The following GCNT2 variants were observed in gnomAD, a reference collection of about 807,000 sequenced individuals.
GCNT2 encodes the protein glucosaminyl (N-acetyl) transferase 2 (I blood group), also known as N-acetyllactosaminide beta-1,6-N-acetylglucosaminyl-transferase.
GCNT2 carries 34 observed loss-of-function variants against 34.2 expected under a neutral mutation model. The ratio of observed to expected loss-of-function variants is 1.00; its 90% CI spans 0.76 to 1.32. The LOEUF is 1.32. GCNT2 is among the 40% of genes most tolerant of loss of function. The probability of loss-of-function intolerance (pLI) is 0.00; values close to 1 mark genes in which losing one functional copy is unlikely to be tolerated. For synonymous variants in GCNT2, 212 were observed against 188.0 expected (o/e 1.13, Z -1.04); for missense variants, 584 against 489.4 (o/e 1.19, Z -1.82).
At chr6:10,617,916 G>A (rs577107581) in intron 3 of GCNT2, among the ~76,000 whole-genome samples, 64 of 151,902 alleles carry the variant, frequency 4.2e-4, no homozygotes, top group African/African-American at 1.4e-3. Context: ...CATCACACCC[G>A]GCTAATTTTT....
In GCNT2 at chr6:10,579,826, CAAAAAAAAA is replaced by C. The variant is rs61490868; in HGVS notation, c.926-41511_926-41503del. 3.6e-4 allele frequency among the ~76,000 whole-genome samples: 32 copies of C among 89,916 alleles called. No individual in the cohort carries two copies. In the South Asian group the frequency reaches 1.0e-2, roughly 28 times the overall value. The allele number at this position is 89,916 out of a possible 152,430, so 59.0% of individuals were successfully genotyped here. On this transcript the variant is annotated intron_variant, in intron 3 of 4. Coordinates refer to ENST00000495262, the MANE Select transcript of GCNT2 (RefSeq NM_145649.5). ...GCGAGACTCCATCTCAAAAAACAAACAAAAAAAAAAAAAAAAAAAAAACAAGTAATAAAA... is the reference window on the plus strand; with the variant it reads ...GCGAGACTCCATCTCAAAAAACAAACAAAAAAAAAAAAACAAGTAATAAAA...
chr6:10,628,483 G>A lies in GCNT2; in HGVS notation c.*1876G>A, dbSNP rs921045177. On this transcript the variant is annotated 3_prime_UTR_variant, in exon 5 of 5. Coordinates refer to ENST00000495262, the MANE Select transcript of GCNT2 (RefSeq NM_145649.5). ...GAATAGGGACAGCTGGTCACACAAG[G>A]AACTCTTGAAGGCCACATGTGAAAA... is the stretch of plus-strand genomic sequence containing the variant. 7 of 152,200 alleles carry A rather than the reference G, an allele frequency of 4.6e-5. No individual in the cohort carries two copies. Among genetic ancestry groups the A allele is most frequent in the Admixed American group, 4.6e-4 (7 of 15,278 alleles). 9.4% of individuals were successfully genotyped at this position (152,200 alleles called of 1,614,324 possible).
intron 3 of GCNT2, among the ~76,000 whole-genome samples, chr6:10,617,747 CTTCTTTTTTTT>C (rs1765848762): frequency 2.6e-5 from 3 of 114,296 alleles, no homozygotes; most frequent in Admixed American, 8.9e-5. Flanking sequence ...GTCTGCATTT[CTTCTTTTTTTT>C]TTTTTTTTTT....
intron 3 of GCNT2, among the ~76,000 whole-genome samples, chr6:10,535,504 G>C (rs1761713217): frequency 6.6e-6 from 1 of 152,180 alleles, no homozygotes; most frequent in Non-Finnish European, 1.5e-5. Flanking sequence ...CAAGATGCAA[G>C]TTCATCCACC....
intron 3 of GCNT2, among the ~76,000 whole-genome samples, chr6:10,614,783 TC>T (rs1432597974): frequency 6.6e-6 from 1 of 152,078 alleles, no homozygotes; most frequent in Non-Finnish European, 1.5e-5. Flanking sequence ...TAAACGGTCC[TC>T]CCCATCAGCA....
intron 3 of GCNT2, chr6:10,586,105 C>G (rs368878274): frequency 5.0e-6 from 8 of 1,613,988 alleles, no homozygotes; most frequent in Non-Finnish European, 6.8e-6. Flanking sequence ...CTGAACAGTT[C>G]CAGTGAAAGG....
chr6:10,588,947 GTT>G (rs1240349513), intron 3 of GCNT2, among the ~76,000 whole-genome samples: 1 of 147,748 alleles, frequency 6.8e-6, no homozygotes, highest in Non-Finnish European at 1.5e-5. Flanking sequence ...CGGTGTGTGT[GTT>G]TGTAGTGTGT....
intron 3 of GCNT2, among the ~76,000 whole-genome samples, chr6:10,602,128 T>A (rs1765116833): frequency 6.6e-6 from 1 of 152,206 alleles, no homozygotes; most frequent in African/African-American, 2.4e-5. Context: ...ATTTAAATAT[T>A]ACATTTCTGT....
intron 4 of GCNT2, among the ~76,000 whole-genome samples, chr6:10,623,492 A>AT (rs1766133970): frequency 6.6e-6 from 1 of 151,952 alleles, no homozygotes; most frequent in Admixed American, 6.5e-5. Flanking sequence ...GGGTTTCACC[A>AT]TGTTGGCCAG....
rs965072410 is a variant in GCNT2, at chr6:10,611,044, C to T, written c.926-10307C>T. 3.3e-5 allele frequency among the ~76,000 whole-genome samples: 5 copies of T among 151,986 alleles called. 1 individual carries two copies. The South Asian group carries it at 8.3e-4, about 25-fold the overall frequency. On this transcript the variant is annotated intron_variant, in intron 3 of 4. Coordinates refer to ENST00000495262, the MANE Select transcript of GCNT2 (RefSeq NM_145649.5). The stretch of plus-strand genomic sequence containing the variant: ...TCAGGGACTACAAAACTAGAAACAT[C>T]CACATCAAACAAAACAGGGTCTCTT...
intron 4 of GCNT2, 48 bp downstream of exon 4, chr6:10,621,491 C>A: frequency 8.4e-7 from 1 of 1,189,294 alleles, no homozygotes; most frequent in Non-Finnish European, 1.3e-6. Context: ...TTGGTGTTAG[C>A]AGGAAGGTAG....
intron 3 of GCNT2, among the ~76,000 whole-genome samples, chr6:10,558,163 A>G (rs1243552002): frequency 6.6e-6 from 1 of 152,144 alleles, no homozygotes; most frequent in African/African-American, 2.4e-5. Flanking sequence ...ACCTATTTGC[A>G]TGGGTTTGTT....
At chr6:10,522,482 A>G (rs996402277) in intron 1 of GCNT2, among the ~76,000 whole-genome samples, 1 of 152,148 alleles carries the variant, frequency 6.6e-6, no homozygotes, top group African/African-American at 2.4e-5. Context: ...AGATTGGCCA[A>G]ATAGAGGGTA....
At chr6:10,531,785 C>T (rs1027516654) in intron 3 of GCNT2, among the ~76,000 whole-genome samples, 15 of 151,572 alleles carry the variant, frequency 9.9e-5, no homozygotes, top group Admixed American at 6.6e-5. Flanking sequence ...GATGTAGACT[C>T]TTCAGGTCTG....
In GCNT2 at chr6:10,529,408, G is replaced by C; in HGVS notation, c.497G>C (p.Arg166Thr). The change falls in exon 3 of 5, where the codon AGG (arginine) becomes ACG (threonine). Residue 166 changes from arginine to threonine, a missense_variant. Physicochemically the swap from Arg to Thr is moderately conservative, Grantham distance 71. Coordinates refer to ENST00000495262, the MANE Select transcript of GCNT2 (RefSeq NM_145649.5). ...KESVVYGGIS[R>T]LQADLNCLED... ...TCGGTTGTCTATGGGGGGATCTCCAGGCTCCAGGCTGACCTGAACTGCCTG... is the reference window on the plus strand; with the variant it reads ...TCGGTTGTCTATGGGGGGATCTCCACGCTCCAGGCTGACCTGAACTGCCTG... 1 of 1,614,144 alleles carries C rather than the reference G, an allele frequency of 6.2e-7. No homozygotes were observed. Among genetic ancestry groups the C allele is most frequent in the Non-Finnish European group, 8.5e-7 (1 of 1,180,024 alleles).
At chr6:10,602,888 G>C (rs1765143063) in intron 3 of GCNT2, among the ~76,000 whole-genome samples, 1 of 152,168 alleles carries the variant, frequency 6.6e-6, no homozygotes, top group Non-Finnish European at 1.5e-5. Flanking sequence ...AGGGCAAACT[G>C]TGTTCTATTG....
intron 3 of GCNT2, among the ~76,000 whole-genome samples, chr6:10,605,652 C>T (rs949579440): frequency 3.3e-5 from 5 of 151,994 alleles, no homozygotes; most frequent in African/African-American, 7.3e-5. Context: ...AGTGAGGAAA[C>T]GCTGGTACAC....
chr6:10,546,933 A>T (rs926862154), intron 3 of GCNT2, among the ~76,000 whole-genome samples: 1 of 152,196 alleles, frequency 6.6e-6, no homozygotes, highest in African/African-American at 2.4e-5. Context: ...ATATAAAAAT[A>T]TACTTTATGG....
At chr6:10,582,475 C>A (rs1318449150) in intron 3 of GCNT2, among the ~76,000 whole-genome samples, 13 of 107,138 alleles carry the variant, frequency 1.2e-4, no homozygotes, top group African/African-American at 4.2e-4. Flanking sequence ...ATAATATATA[C>A]TATAATATAT....
Sources: gnomAD v4.1 joint callset for allele counts (sites outside exome capture counted in the v4.1 genomes callset) on GRCh38, gnomAD v4.1.1 for gene constraint, MANE v1.5 for transcripts, NCBI Gene and HGNC (gene_info 2026-07-23, HGNC 2026-07-21) for gene names.